SAR1A: variants seen among roughly 807,000 people sequenced by gnomAD.
The protein encoded by SAR1A is secretion associated Ras related GTPase 1A, also known as small COPII coat GTPase SAR1A.
SAR1A carries 6 observed loss-of-function variants against 22.6 expected under a neutral mutation model. The ratio of observed to expected loss-of-function variants is 0.27; its 90% CI spans 0.15 to 0.52. SAR1A has a LOEUF of 0.52. Among genes scored for constraint, SAR1A ranks in the 20% least tolerant of loss-of-function variants. The pLI is 0.96. For missense variants in SAR1A, 145 were observed against 245.1 expected (o/e 0.59, Z 2.73); for synonymous variants, 70 against 82.2 (o/e 0.85, Z 0.80).
At chr10:70,162,569 C>A (rs946757048) in intron 1 of SAR1A, 16 of 151,492 alleles carry the variant, frequency 1.1e-4, no homozygotes, top group African/African-American at 3.9e-4. Flanking sequence ...TCTTTCTTGA[C>A]ACAGATTTTG....
Position 70,153,846 on chromosome 10 carries a change from T to C in SAR1A, c.472A>G (p.Thr158Ala). ...AAATATTTTTCTCTTACCTTTCCTG[T>C]GGTCTGTCCATAAAGCCCAAATATC... is the stretch of plus-strand genomic sequence containing the variant. Reference protein sequence around the residue: ...REIFGLYGQTTGKGNVTLKEL... With the variant: ...REIFGLYGQTAGKGNVTLKEL... The change falls in exon 6 of 7, where the codon ACA becomes GCA. Residue 158 changes from threonine (T) to alanine (A), a missense_variant. Physicochemically the swap from Thr to Ala is moderately conservative, Grantham distance 58. This residue lies in a region of SAR1A where 83 missense variants were observed against 114.7 expected (regional missense o/e 0.72). Transcript: ENST00000373241. 2 of 1,583,908 alleles carry C rather than the reference T, an allele frequency of 1.3e-6. No homozygotes were observed. Among genetic ancestry groups the C allele is most frequent in the Non-Finnish European group, 8.5e-7 (1 of 1,171,886 alleles).
At chr10:70,153,660 A>G (rs3847357) in intron 6 of SAR1A, among the ~76,000 whole-genome samples, 178 bp downstream of exon 6, 13,642 of 152,272 alleles carry the variant, frequency 0.09, 1,153 homozygotes, top group East Asian at 0.22. Flanking sequence ...AATGAATCCC[A>G]TTTAAAACGT....
In SAR1A at chr10:70,159,977, A is replaced by G. The variant is rs568604260; in HGVS notation, c.244+1027T>C. Reference sequence around the variant, plus strand: ...TCCACCAACTGTCTGAAATGGATAGAATATACAAAATATCAACTTGTATCA... The same window carrying G: ...TCCACCAACTGTCTGAAATGGATAGGATATACAAAATATCAACTTGTATCA... On this transcript the variant is annotated intron_variant, in intron 4 of 6. Transcript: ENST00000373241. Among the ~76,000 whole-genome samples, 5 of 152,352 alleles carry G rather than the reference A, an allele frequency of 3.3e-5. 1 individual carries two copies. In the South Asian group the frequency reaches 1.0e-3, roughly 32 times the overall value.
intron 1 of SAR1A, among the ~76,000 whole-genome samples, chr10:70,162,448 GAA>G (rs1263639442): frequency 8.1e-6 from 1 of 123,332 alleles, no homozygotes; most frequent in Non-Finnish European, 1.7e-5. Flanking sequence ...GAAAAGAAAA[GAA>G]AAGAGAGGGG....
At chr10:70,163,071 A>T (rs537161351) in intron 1 of SAR1A, 2 of 152,480 alleles carry the variant, frequency 1.3e-5, no homozygotes, top group African/African-American at 4.8e-5. Context: ...GATTAAGCTT[A>T]GTGACGAAGA....
Position 70,152,157 on chromosome 10 carries a change from T to G in SAR1A, c.*319A>C, listed in dbSNP as rs1839333516. On this transcript the variant is annotated 3_prime_UTR_variant, in exon 7 of 7. Transcript: ENST00000373241. ...TTTAAAAAATAGAATCACTTTCTTT[T>G]GAATCAACCACAGTGGTGAGACGTG... is the stretch of plus-strand genomic sequence containing the variant. 1 of 326,640 alleles carries G rather than the reference T, an allele frequency of 3.1e-6. No homozygotes were observed. The highest frequency in any genetic ancestry group is 5.9e-6 in the Non-Finnish European group (1 of 168,306). The allele number at this position is 326,640 out of a possible 1,614,324, so 20.2% of individuals were successfully genotyped here.
intron 1 of SAR1A, 66 bp from the exon 2 acceptor site, chr10:70,161,997 A>T: frequency 1.7e-6 from 2 of 1,175,388 alleles, no homozygotes; most frequent in Non-Finnish European, 2.5e-6. Context: ...GGAGAGGTTA[A>T]CTCTTGTTCC....
At chr10:70,154,388 T>C (rs140545579) in intron 5 of SAR1A, among the ~76,000 whole-genome samples, 24 of 152,248 alleles carry the variant, frequency 1.6e-4, no homozygotes, top group Non-Finnish European at 3.1e-4. Context: ...TGCGAAGAAC[T>C]CTCTCAGGCA....
At chr10:70,165,311 T>A (rs977375502) in intron 1 of SAR1A, among the ~76,000 whole-genome samples, 21 of 149,896 alleles carry the variant, frequency 1.4e-4, no homozygotes, top group Non-Finnish European at 2.7e-4. Context: ...AAGCCATCAA[T>A]GCCATAGACT....
At chr10:70,163,471 G>C (rs542733742) in intron 1 of SAR1A, among the ~76,000 whole-genome samples, 3 of 152,312 alleles carry the variant, frequency 2.0e-5, no homozygotes, top group Admixed American at 2.0e-4. Context: ...GCTAATGCAA[G>C]GTGACTTTAC....
chr10:70,161,985 G>C (rs935368938), intron 1 of SAR1A, 54 bp from the exon 2 acceptor site: 2 of 1,296,908 alleles, frequency 1.5e-6, no homozygotes, highest in African/African-American at 2.9e-5. Flanking sequence ...CAGTACAATT[G>C]TGGAGAGGTT....
At chr10:70,168,754 G>A (rs80243316) in intron 1 of SAR1A, among the ~76,000 whole-genome samples, 5,361 of 152,152 alleles carry the variant, frequency 0.035, 116 homozygotes, top group East Asian at 0.058. Flanking sequence ...CTTCAGGTGA[G>A]CTAAAAATAA....
chr10:70,169,617 C>A (rs1213105114), intron 1 of SAR1A, among the ~76,000 whole-genome samples: 5 of 152,128 alleles, frequency 3.3e-5, no homozygotes, highest in Non-Finnish European at 7.3e-5. Context: ...ATAATCAGGG[C>A]AACTTTAAGA....
chr10:70,166,144 C>G (rs1215010407), intron 1 of SAR1A, among the ~76,000 whole-genome samples: 2 of 152,224 alleles, frequency 1.3e-5, no homozygotes, highest in Non-Finnish European at 1.5e-5. Flanking sequence ...GTAAACGTAA[C>G]TTTTATGTGC....
At chr10:70,166,751 C>T (rs965903150) in intron 1 of SAR1A, 2 of 149,924 alleles carry the variant, frequency 1.3e-5, no homozygotes, top group African/African-American at 2.5e-5. Flanking sequence ...TTTTGCAAGG[C>T]TGAGGTGGGG....
chr10:70,164,483 T>C (rs1839519782), intron 1 of SAR1A, among the ~76,000 whole-genome samples: 2 of 152,190 alleles, frequency 1.3e-5, no homozygotes, highest in Admixed American at 1.3e-4. Context: ...GAGTTGTAAC[T>C]CTGTGTGGAC....
intron 1 of SAR1A, chr10:70,166,806 T>C (rs919905177): frequency 3.9e-5 from 5 of 129,142 alleles, no homozygotes; most frequent in Admixed American, 3.4e-4. Flanking sequence ...CTGGGTAACA[T>C]AGAGAGACCT....
At chr10:70,161,791 T>C (rs1839470131) in intron 2 of SAR1A, 53 bp from the exon 3 acceptor site, 2 of 1,613,418 alleles carry the variant, frequency 1.2e-6, no homozygotes, top group African/African-American at 1.3e-5. Flanking sequence ...CCAAAGCCTA[T>C]TTGTAGTTAA....
At chr10:70,163,387 C>T (rs887795422) in intron 1 of SAR1A, among the ~76,000 whole-genome samples, 1 of 152,198 alleles carries the variant, frequency 6.6e-6, no homozygotes, top group African/African-American at 2.4e-5. Flanking sequence ...CCATCTAGGA[C>T]TTTCATAGCT....
Sources: gnomAD v4.1 joint callset for allele counts (sites outside exome capture counted in the v4.1 genomes callset) on GRCh38, gnomAD v4.1.1 for gene constraint, gnomAD v4.1.1 regional missense constraint, MANE v1.5 for transcripts, NCBI Gene and HGNC (gene_info 2026-07-23, HGNC 2026-07-21) for gene names.